MYO3B: variants seen among roughly 807,000 people sequenced by gnomAD.
MYO3B encodes myosin-IIIb.
Under a neutral mutation model 174.6 loss-of-function variants are expected in MYO3B, and 156 were observed. That is an observed-to-expected ratio of 0.89 (90% confidence interval 0.78 to 1.02). The LOEUF is 1.02. MYO3B is among the 50% of genes least tolerant of loss of function. The pLI, the probability that MYO3B is intolerant of heterozygous loss-of-function variation, is 0.00. For missense variants in MYO3B, 1,632 were observed against 1,639.4 expected (o/e 1.00, Z 0.08); for synonymous variants, 563 against 569.1 (o/e 0.99, Z 0.15).
At chr2:170,548,192 T>C (rs73978706) in intron 32 of MYO3B, among the ~76,000 whole-genome samples, 2,293 of 148,952 alleles carry the variant, frequency 0.015, 51 homozygotes, top group African/African-American at 0.043. Context: ...CATGTAAATA[T>C]CTAAGAGAAG....
At chr2:170,424,064 T>C (rs2094641171) in intron 22 of MYO3B, among the ~76,000 whole-genome samples, 1 of 152,228 alleles carries the variant, frequency 6.6e-6, no homozygotes, top group African/African-American at 2.4e-5. Context: ...ACATTGTTTA[T>C]GAATATCCAA....
In MYO3B at chr2:170,404,356, A is replaced by G. The variant is rs759603253; in HGVS notation, c.2387A>G (p.Asp796Gly). Reference sequence around the variant, plus strand: ...CCCCTGGGACTGCTTGCACTTTTGGATGAGGAAAGTCGGTTTCCCCAAGCA... The same window carrying G: ...CCCCTGGGACTGCTTGCACTTTTGGGTGAGGAAAGTCGGTTTCCCCAAGCA... ...QKPLGLLALL[D>G]EESRFPQATD... Residue 796 changes from aspartate to glycine, a missense_variant, in exon 20 of 35, where the codon GAT becomes GGT. Physicochemically the swap from Asp to Gly is moderately conservative, Grantham distance 94 (BLOSUM62 -1). Coordinates refer to ENST00000408978, the MANE Select transcript of MYO3B (RefSeq NM_138995.5). 6.2e-7 allele frequency: 1 copy of G among 1,613,636 alleles called. No individual in the cohort carries two copies. Among genetic ancestry groups the G allele is most frequent in the Non-Finnish European group, 8.5e-7 (1 of 1,179,860 alleles).
intron 22 of MYO3B, among the ~76,000 whole-genome samples, chr2:170,432,989 C>A (rs1020002393): frequency 2.0e-5 from 3 of 152,088 alleles, no homozygotes; most frequent in Non-Finnish European, 4.4e-5. Flanking sequence ...AATGTAATGT[C>A]CTAGGCCTTC....
chr2:170,547,469 A>G (rs956448014), intron 32 of MYO3B, among the ~76,000 whole-genome samples: 1 of 152,346 alleles, frequency 6.6e-6, no homozygotes, highest in African/African-American at 2.4e-5. Flanking sequence ...AAATTATTTA[A>G]TAGGACTGAC....
intron 32 of MYO3B, among the ~76,000 whole-genome samples, chr2:170,557,889 G>C (rs6729028): frequency 0.13 from 20,145 of 152,108 alleles, 2,650 homozygotes; most frequent in African/African-American, 0.34. Flanking sequence ...ACATGTGAGA[G>C]ATACAAGATC....
At chr2:170,368,796 G>A (rs762415547) in intron 8 of MYO3B, among the ~76,000 whole-genome samples, 1 of 152,098 alleles carries the variant, frequency 6.6e-6, no homozygotes, top group African/African-American at 2.4e-5. Flanking sequence ...TAAACAAGGG[G>A]CATTTCATAT....
chr2:170,643,308 CAGAG>C (rs989280844), intron 32 of MYO3B, among the ~76,000 whole-genome samples: 1 of 152,160 alleles, frequency 6.6e-6, no homozygotes. Context: ...GGGGAAGAGA[CAGAG>C]AGCCAGAAAA....
chr2:170,542,226 A>G (rs1025730698), intron 30 of MYO3B, among the ~76,000 whole-genome samples: 2 of 152,038 alleles, frequency 1.3e-5, no homozygotes, highest in East Asian at 1.9e-4. Context: ...AGTGGCTCCT[A>G]TTTTATCTGT....
intron 7 of MYO3B, among the ~76,000 whole-genome samples, chr2:170,305,120 A>G (rs1282916416): frequency 6.6e-6 from 1 of 152,030 alleles, no homozygotes; most frequent in Admixed American, 6.6e-5. Flanking sequence ...ACTTTTTCTG[A>G]TTGATTCAAG....
intron 30 of MYO3B, among the ~76,000 whole-genome samples, chr2:170,520,786 A>G (rs1205330334): frequency 1.3e-5 from 2 of 152,168 alleles, no homozygotes; most frequent in African/African-American, 4.8e-5. Flanking sequence ...CATGACACCA[A>G]GAGCTAAAGA....
At chr2:170,424,346 C>T (rs142572538) in intron 22 of MYO3B, among the ~76,000 whole-genome samples, 9 of 152,292 alleles carry the variant, frequency 5.9e-5, no homozygotes, top group South Asian at 2.1e-4. Context: ...AGGCCAGGCA[C>T]GGTGGCTCAC....
At chr2:170,445,624 G>A (rs536338816) in intron 23 of MYO3B, among the ~76,000 whole-genome samples, 21 of 150,936 alleles carry the variant, frequency 1.4e-4, no homozygotes, top group Non-Finnish European at 2.4e-4. Context: ...ACAGGCGCTC[G>A]CCACCACACC....
intron 8 of MYO3B, among the ~76,000 whole-genome samples, chr2:170,354,712 A>C (rs1457814970): frequency 6.6e-6 from 1 of 152,118 alleles, no homozygotes; most frequent in Non-Finnish European, 1.5e-5. Flanking sequence ...CCTATTATTC[A>C]GCAAATTAAA....
chr2:170,497,584 C>T (rs1463033330), intron 25 of MYO3B, among the ~76,000 whole-genome samples: 1 of 151,150 alleles, frequency 6.6e-6, no homozygotes, highest in Non-Finnish European at 1.5e-5. Flanking sequence ...CGCCACTGCA[C>T]TCCAGCCTGG....
rs555099487 is a variant in MYO3B at position 170,556,409 on chromosome 2, G to A, written c.3733+12421G>A. ...AGTATGTTTAGCTTTGCAAGAAACT[G>A]CCAAACTGTCTTCCAAACTGGCTTT... On this transcript the variant is annotated intron_variant, in intron 32 of 34. Transcript: ENST00000408978. 1.1e-4 allele frequency among the ~76,000 whole-genome samples: 17 copies of A among 152,302 alleles called. No individual in the cohort carries two copies. In the South Asian group the frequency reaches 2.7e-3, roughly 24 times the overall value.
Position 170,603,234 on chromosome 2 carries a change from C to T in MYO3B, c.3734-48394C>T, listed in dbSNP as rs890393513. Among the ~76,000 whole-genome samples, 10 of 152,098 alleles carry T rather than the reference C, an allele frequency of 6.6e-5. No individual in the cohort carries two copies. The South Asian group carries it at 8.3e-4, about 13-fold the overall frequency. On this transcript the variant is annotated intron_variant, in intron 32 of 34. Transcript: ENST00000408978. ...ACGTTACTTAGGTCCATGAAATCCA[C>T]GCCCCCCCAACCCCATAGAAGTCTT...
At chr2:170,453,597 G>A (rs1342024576) in intron 23 of MYO3B, among the ~76,000 whole-genome samples, 3 of 152,102 alleles carry the variant, frequency 2.0e-5, no homozygotes, top group Non-Finnish European at 2.9e-5. Context: ...AGCAGCTTTT[G>A]ATGACCCTGC....
rs1687023616 is a variant in MYO3B, at chr2:170,498,509, G to T, written c.3015-83G>T. ...CAAATATTTACTATTAAAAAACAAG[G>T]TGTGTCAATGGTCCCGAGTAATTCT... On this transcript the variant is annotated intron_variant, in intron 25 of 34. Transcript: ENST00000408978. The T allele has an allele frequency of 7.0e-6, 6 of 851,074 alleles. No homozygotes were observed. The South Asian group carries it at 8.1e-5, about 11-fold the overall frequency. 52.7% of individuals were successfully genotyped at this position (851,074 alleles called of 1,614,324 possible).
intron 23 of MYO3B, among the ~76,000 whole-genome samples, chr2:170,462,100 T>C (rs1272037637): frequency 1.3e-5 from 2 of 152,358 alleles, no homozygotes; most frequent in South Asian, 2.1e-4. Context: ...GTGTTTTCTC[T>C]TTGTTCCCTC....
Sources: gnomAD v4.1 joint callset for allele counts (sites outside exome capture counted in the v4.1 genomes callset) on GRCh38, gnomAD v4.1.1 for gene constraint, MANE v1.5 for transcripts, NCBI Gene and HGNC (gene_info 2026-07-23, HGNC 2026-07-21) for gene names.